Variants in EPHA3 observed in about 807,000 individuals in gnomAD.
EPHA3 encodes ephrin type-A receptor 3.
Under a neutral mutation model 107.1 loss-of-function variants are expected in EPHA3, and 42 were observed. The observed-to-expected ratio is 0.39, with a 90% CI of 0.31 to 0.51. The LOEUF is 0.51. Ranked by LOEUF, EPHA3 falls within the 20% of genes least tolerant of loss-of-function variation. The pLI, the probability that EPHA3 is intolerant of heterozygous loss-of-function variation, is 0.78. For synonymous variants in EPHA3, 461 were observed against 424.8 expected (o/e 1.09, Z -1.05); for missense variants, 1,183 against 1,211.2 (o/e 0.98, Z 0.35).
At chr3:89,113,454 T>A (rs572771139) in intron 1 of EPHA3, among the ~76,000 whole-genome samples, 28 of 120,642 alleles carry the variant, frequency 2.3e-4, no homozygotes, top group Middle Eastern at 6.3e-3. Context: ...GTCAGCAAGT[T>A]TTAGTTTGCC....
chr3:89,429,738 C>G (rs571887420), intron 12 of EPHA3, among the ~76,000 whole-genome samples: 1 of 139,096 alleles, frequency 7.2e-6, no homozygotes, highest in Non-Finnish European at 1.6e-5. Flanking sequence ...ATCTATCTAT[C>G]TATATTTTTT....
intron 3 of EPHA3, among the ~76,000 whole-genome samples, chr3:89,228,475 G>A (rs1383165973): frequency 6.6e-6 from 1 of 151,910 alleles, no homozygotes; most frequent in Non-Finnish European, 1.5e-5. Flanking sequence ...TGAATATGGA[G>A]AAGCATAATG....
intron 3 of EPHA3, among the ~76,000 whole-genome samples, chr3:89,300,608 T>C (rs1305887721): frequency 6.6e-6 from 1 of 152,086 alleles, no homozygotes; most frequent in Non-Finnish European, 1.5e-5. Flanking sequence ...ATTATCTTTA[T>C]TGTCTGAAAT....
intron 3 of EPHA3, among the ~76,000 whole-genome samples, chr3:89,216,793 C>T (rs57827001): frequency 0.011 from 1,716 of 152,124 alleles, 31 homozygotes; most frequent in African/African-American, 0.038. Flanking sequence ...TGCAATGTAA[C>T]CATGTTTTTC....
intron 5 of EPHA3, among the ~76,000 whole-genome samples, chr3:89,386,120 A>T (rs1224159388): frequency 6.6e-6 from 1 of 152,166 alleles, no homozygotes; most frequent in Non-Finnish European, 1.5e-5. Context: ...AGTTAGGAAA[A>T]TTTGCAGCCT....
At chr3:89,235,173 C>T (rs1284780147) in intron 3 of EPHA3, among the ~76,000 whole-genome samples, 7 of 151,814 alleles carry the variant, frequency 4.6e-5, no homozygotes, top group South Asian at 2.1e-4. Flanking sequence ...CCACCCACCT[C>T]GACGTCCCAA....
intron 3 of EPHA3, among the ~76,000 whole-genome samples, chr3:89,269,621 T>A (rs935191298): frequency 1.3e-5 from 2 of 151,012 alleles, no homozygotes; most frequent in Non-Finnish European, 3.0e-5. Context: ...TTTTTTTTTA[T>A]ACTTTAAGTT....
chr3:89,147,187 G>T (rs1261154528), intron 2 of EPHA3, among the ~76,000 whole-genome samples: 1 of 151,894 alleles, frequency 6.6e-6, no homozygotes, highest in East Asian at 1.9e-4. Flanking sequence ...GCCTGTCGGG[G>T]GTGGGGGTAA....
chr3:89,271,211 C>T (rs1212940247), intron 3 of EPHA3, among the ~76,000 whole-genome samples: 23 of 151,810 alleles, frequency 1.5e-4, no homozygotes, highest in Non-Finnish European at 5.9e-5. Context: ...ATAATTTTAC[C>T]TATAAAGTCA....
At chr3:89,244,197 A>AT (rs1704977062) in intron 3 of EPHA3, among the ~76,000 whole-genome samples, 1 of 152,134 alleles carries the variant, frequency 6.6e-6, no homozygotes, top group African/African-American at 2.4e-5. Flanking sequence ...ATAATAAAAT[A>AT]TTTTTATGAA....
intron 5 of EPHA3, among the ~76,000 whole-genome samples, chr3:89,378,741 C>A (rs1226517642): frequency 1.3e-5 from 2 of 152,130 alleles, no homozygotes; most frequent in African/African-American, 4.8e-5. Context: ...TTGAAAGAAA[C>A]AAGTATTGCT....
intron 3 of EPHA3, among the ~76,000 whole-genome samples, chr3:89,243,293 T>C (rs1704951809): frequency 6.6e-6 from 1 of 152,124 alleles, no homozygotes; most frequent in Non-Finnish European, 1.5e-5. Flanking sequence ...CTGGGTCAAA[T>C]GGTATTTCTA....
chr3:89,452,720 G>A (rs764416204), intron 15 of EPHA3, among the ~76,000 whole-genome samples: 1 of 151,688 alleles, frequency 6.6e-6, no homozygotes, highest in Non-Finnish European at 1.5e-5. Context: ...GTTTAATTTG[G>A]CTTTTGTTCC....
chr3:89,115,055 G>A (rs1707220286), intron 1 of EPHA3, among the ~76,000 whole-genome samples: 1 of 152,152 alleles, frequency 6.6e-6, no homozygotes, highest in South Asian at 2.1e-4. Flanking sequence ...CCAGGGGAAG[G>A]AGATATTCTG....
chr3:89,446,874 A>G (rs1464570960), intron 13 of EPHA3, among the ~76,000 whole-genome samples: 1 of 152,184 alleles, frequency 6.6e-6, no homozygotes, highest in Non-Finnish European at 1.5e-5. Flanking sequence ...AAAGGCAGTT[A>G]GAAAAATGAC....
At chr3:89,272,473 C>T (rs540665839) in intron 3 of EPHA3, among the ~76,000 whole-genome samples, 27 of 152,042 alleles carry the variant, frequency 1.8e-4, no homozygotes, top group African/African-American at 5.3e-4. Flanking sequence ...TGTATTTCAA[C>T]TTTGCCTTGT....
chr3:89,376,679 A>C (rs1708410694), intron 5 of EPHA3, among the ~76,000 whole-genome samples: 1 of 152,060 alleles, frequency 6.6e-6, no homozygotes, highest in Non-Finnish European at 1.5e-5. Context: ...TTGGATTAAA[A>C]TGTGTTGATA....
chr3:89,481,276 G>A lies in EPHA3; in HGVS notation c.*1774G>A, dbSNP rs1447359335. On this transcript the variant is annotated 3_prime_UTR_variant, in exon 17 of 17. Transcript: ENST00000336596. ...AGATTGTGCTCCTTCGGATATGATT[G>A]TTTCTCAAATCTTGGCAATATTCCT... is the stretch of plus-strand genomic sequence containing the variant. The A allele has an allele frequency of 2.6e-5, 6 of 232,050 alleles. No individual in the cohort carries two copies. Among genetic ancestry groups the A allele is most frequent in the South Asian group, 1.8e-4 (1 of 5,514 alleles). 14.4% of individuals were successfully genotyped at this position (232,050 alleles called of 1,614,324 possible). A position where few individuals can be genotyped will look rare whatever the true frequency, so the allele number is the denominator to read the frequency against.
At chr3:89,424,555 G>A (rs1439944289) in intron 11 of EPHA3, among the ~76,000 whole-genome samples, 1 of 150,882 alleles carries the variant, frequency 6.6e-6, no homozygotes, top group African/African-American at 2.4e-5. Context: ...AAATAAATCA[G>A]CTCCTTTATT....
Sources: gnomAD v4.1 joint callset for allele counts (sites outside exome capture counted in the v4.1 genomes callset) on GRCh38, gnomAD v4.1.1 for gene constraint, MANE v1.5 for transcripts, NCBI Gene and HGNC (gene_info 2026-07-23, HGNC 2026-07-21) for gene names.